DPYD: variants seen among roughly 807,000 people sequenced by gnomAD.
DPYD encodes the protein dihydropyrimidine dehydrogenase [NADP(+)].
Under a neutral mutation model 116.2 loss-of-function variants are expected in DPYD, and 109 were observed. That is an observed-to-expected ratio of 0.94 (90% confidence interval 0.80 to 1.10). The LOEUF (loss-of-function observed/expected upper bound fraction) is 1.10, where lower values mean the gene tolerates loss of function less well. DPYD is among the 50% of genes least tolerant of loss of function. DPYD has a pLI of 0.00. For missense variants in DPYD, 1,302 were observed against 1,254.5 expected (o/e 1.04, Z -0.57); for synonymous variants, 440 against 432.0 (o/e 1.02, Z -0.23).
At chr1:97,801,440 C>T (rs1363702134) in intron 3 of DPYD, among the ~76,000 whole-genome samples, 1 of 151,812 alleles carries the variant, frequency 6.6e-6, no homozygotes, top group Non-Finnish European at 1.5e-5. Context: ...CTAATTATGG[C>T]CCTGCCACGA....
chr1:97,177,357 G>A (rs1657353740), intron 20 of DPYD, among the ~76,000 whole-genome samples: 1 of 152,148 alleles, frequency 6.6e-6, no homozygotes, highest in Non-Finnish European at 1.5e-5. Flanking sequence ...AGACTGGGAA[G>A]TATCTACTGG....
At chr1:97,133,248 C>A (rs1244685457) in intron 20 of DPYD, among the ~76,000 whole-genome samples, 2 of 152,014 alleles carry the variant, frequency 1.3e-5, no homozygotes, top group Non-Finnish European at 2.9e-5. Flanking sequence ...ATATTACATA[C>A]ATAAATTTTA....
intron 14 of DPYD, among the ~76,000 whole-genome samples, chr1:97,388,154 T>A (rs1672467165): frequency 6.6e-6 from 1 of 152,104 alleles, no homozygotes; most frequent in African/African-American, 2.4e-5. Context: ...TTAAGAATGA[T>A]CCTAGATATT....
chr1:97,287,275 G>A (rs887493785), intron 18 of DPYD, among the ~76,000 whole-genome samples: 7 of 152,258 alleles, frequency 4.6e-5, no homozygotes, highest in African/African-American at 1.4e-4. Flanking sequence ...CTGTCTGATC[G>A]TTCCTCTGGA....
chr1:97,494,926 T>C (rs1281553857), intron 13 of DPYD, among the ~76,000 whole-genome samples: 1 of 152,148 alleles, frequency 6.6e-6, no homozygotes, highest in Admixed American at 6.6e-5. Flanking sequence ...GCACAAGTGC[T>C]GGGGCAGAAA....
At chr1:97,654,220 T>C (rs1285625017) in intron 8 of DPYD, among the ~76,000 whole-genome samples, 1 of 152,204 alleles carries the variant, frequency 6.6e-6, no homozygotes, top group African/African-American at 2.4e-5. Context: ...ATATGATGGA[T>C]AGATAATTAC....
At chr1:97,741,308 TC>T (rs1398267060) in intron 3 of DPYD, among the ~76,000 whole-genome samples, 1 of 152,160 alleles carries the variant, frequency 6.6e-6, no homozygotes, top group Non-Finnish European at 1.5e-5. Context: ...CATATAAACT[TC>T]CTGCATATTA....
chr1:97,340,302 G>T (rs1173363987), intron 16 of DPYD, among the ~76,000 whole-genome samples: 1 of 152,032 alleles, frequency 6.6e-6, no homozygotes, highest in African/African-American at 2.4e-5. Flanking sequence ...GTGATATAAT[G>T]ATTACAGGAA....
chr1:97,410,117 C>T (rs1401511242), intron 14 of DPYD, among the ~76,000 whole-genome samples: 2 of 151,614 alleles, frequency 1.3e-5, no homozygotes, highest in African/African-American at 4.8e-5. Flanking sequence ...TACAAACGAC[C>T]TCCTCCCAGC....
At chr1:97,673,324 C>T (rs940886902) in intron 8 of DPYD, among the ~76,000 whole-genome samples, 1 of 152,024 alleles carries the variant, frequency 6.6e-6, no homozygotes, top group Non-Finnish European at 1.5e-5. Flanking sequence ...ATCACCACTG[C>T]TAATATCACT....
At chr1:97,746,260 T>A (rs565300217) in intron 3 of DPYD, among the ~76,000 whole-genome samples, 4 of 152,258 alleles carry the variant, frequency 2.6e-5, no homozygotes, top group Admixed American at 2.6e-4. Context: ...ATGCTATTAT[T>A]AGGAAGCTAG....
Position 97,921,021 on chromosome 1 carries a change from A to C in DPYD, c.-99T>G. ...GTGACAGCAGCCGGAGCGCGAGTCGAAAACAGGCAGACTAGGGCCGGCGGC... is the reference window on the plus strand; with the variant it reads ...GTGACAGCAGCCGGAGCGCGAGTCGCAAACAGGCAGACTAGGGCCGGCGGC... On this transcript the variant is annotated 5_prime_UTR_variant, in exon 1 of 23. Transcript: ENST00000370192. The C allele has an allele frequency of 6.8e-7, 1 of 1,475,074 alleles. No individual in the cohort carries two copies. Among genetic ancestry groups the C allele is most frequent in the Non-Finnish European group, 9.2e-7 (1 of 1,081,698 alleles). 91.4% of individuals were successfully genotyped at this position (1,475,074 alleles called of 1,614,324 possible).
chr1:97,878,145 T>A (rs1672015839), intron 2 of DPYD, among the ~76,000 whole-genome samples: 1 of 151,956 alleles, frequency 6.6e-6, no homozygotes, highest in South Asian at 2.1e-4. Context: ...TTTTCCATGC[T>A]ACGTTCAGTA....
chr1:97,772,004 T>C (rs1280715358), intron 3 of DPYD, among the ~76,000 whole-genome samples: 2 of 152,188 alleles, frequency 1.3e-5, no homozygotes, highest in Admixed American at 6.5e-5. Context: ...TAAAAGGTAT[T>C]AATATTCTTT....
intron 11 of DPYD, among the ~76,000 whole-genome samples, chr1:97,558,540 A>G (rs1651911610): frequency 6.6e-6 from 1 of 152,146 alleles, no homozygotes; most frequent in Non-Finnish European, 1.5e-5. Context: ...ATCAATTTAA[A>G]TATCTGATTT....
chr1:97,527,449 A>G (rs1649231040), intron 12 of DPYD, among the ~76,000 whole-genome samples: 1 of 152,202 alleles, frequency 6.6e-6, no homozygotes, highest in Non-Finnish European at 1.5e-5. Flanking sequence ...TAACCTAAAA[A>G]GTTATTCATG....
chr1:97,810,843 T>G (rs144322085), intron 3 of DPYD, among the ~76,000 whole-genome samples: 1 of 152,218 alleles, frequency 6.6e-6, no homozygotes, highest in African/African-American at 2.4e-5. Context: ...GTATAGAGAG[T>G]ATTTAGTAAT....
chr1:97,490,758 C>T (rs990373307), intron 13 of DPYD, among the ~76,000 whole-genome samples: 3 of 150,346 alleles, frequency 2.0e-5, no homozygotes, highest in Non-Finnish European at 4.4e-5. Flanking sequence ...TGGAATTCCT[C>T]AACTTAATTT....
chr1:97,381,580 A>T (rs1671970852), intron 15 of DPYD, among the ~76,000 whole-genome samples: 1 of 152,156 alleles, frequency 6.6e-6, no homozygotes, highest in Admixed American at 6.5e-5. Flanking sequence ...TTCCCTTCTC[A>T]GTTTTAAAAT....
Sources: allele counts gnomAD v4.1 joint callset (sites outside exome capture counted in the v4.1 genomes callset), GRCh38; gene constraint gnomAD v4.1.1; transcripts MANE v1.5; gene names NCBI Gene and HGNC (gene_info 2026-07-23, HGNC 2026-07-21).